XNDC1N: variants seen among roughly 807,000 people sequenced by gnomAD.
XNDC1N encodes protein XNDC1N.
the XNDC1N span, among the ~76,000 whole-genome samples, chr11:71,886,169 T>G: frequency 6.6e-6 from 1 of 151,802 alleles, no homozygotes; most frequent in East Asian, 1.9e-4. Flanking sequence ...TTCACCTGCG[T>G]CAATCTTCTC....
chr11:71,882,113 GA>G, the XNDC1N span, among the ~76,000 whole-genome samples: 9 of 151,182 alleles, frequency 6.0e-5, no homozygotes, highest in Non-Finnish European at 1.2e-4. Context: ...GCCAGGAGGG[GA>G]AAAAATCTTT....
chr11:71,888,407 G>T, the XNDC1N span, among the ~76,000 whole-genome samples: 5 of 152,166 alleles, frequency 3.3e-5, no homozygotes, highest in African/African-American at 4.8e-5. Context: ...GTCACCAAGG[G>T]GGCGGGGACC....
chr11:71,895,445 G>A, the XNDC1N span, among the ~76,000 whole-genome samples: 2 of 150,428 alleles, frequency 1.3e-5, no homozygotes, highest in East Asian at 3.9e-4. Context: ...AAGTAGCTGG[G>A]ATTACAGGCA....
At chr11:71,919,929 C>CTTCTTTTTTTTTTTTTTTTTTTTT in the XNDC1N span, among the ~76,000 whole-genome samples, 1 of 26,590 alleles carries the variant, frequency 3.8e-5, no homozygotes, top group Admixed American at 5.4e-4. Flanking sequence ...AAGCAGGCCT[C>CTTCTTTTTTTTTTTTTTTTTTTTT]TTTTTTTTTT....
the XNDC1N span, among the ~76,000 whole-genome samples, chr11:71,923,903 C>CA: frequency 2.6e-5 from 4 of 152,158 alleles, no homozygotes; most frequent in African/African-American, 9.6e-5. Context: ...GGAGTGGTGG[C>CA]AGGGAGTAGG....
the XNDC1N span, among the ~76,000 whole-genome samples, chr11:71,875,679 T>C: frequency 6.6e-6 from 1 of 151,992 alleles, no homozygotes; most frequent in East Asian, 1.9e-4. Context: ...GTTTTTAACA[T>C]GGCAGGAACT....
the XNDC1N span, among the ~76,000 whole-genome samples, chr11:71,888,932 G>C: frequency 2.6e-5 from 4 of 152,180 alleles, no homozygotes; most frequent in East Asian, 1.9e-4. Flanking sequence ...GGACTCAATT[G>C]ACTCTAGCAG....
At chr11:71,872,727 C>CA in the XNDC1N span, among the ~76,000 whole-genome samples, 4 of 151,400 alleles carry the variant, frequency 2.6e-5, no homozygotes, top group East Asian at 1.9e-4. Context: ...GACTCCGTCT[C>CA]AAAAAAACAA....
the XNDC1N span, among the ~76,000 whole-genome samples, chr11:71,868,929 T>C: frequency 1.3e-5 from 2 of 152,202 alleles, no homozygotes; most frequent in Non-Finnish European, 2.9e-5. Context: ...GTCATATATC[T>C]GGTCGCTTTA....
the XNDC1N span, among the ~76,000 whole-genome samples, chr11:71,919,544 T>C: frequency 6.6e-6 from 1 of 151,582 alleles, no homozygotes. Context: ...CCCACCACCA[T>C]GCCCAGCTAA....
chr11:71,875,312 C>T, the XNDC1N span, among the ~76,000 whole-genome samples: 1 of 151,914 alleles, frequency 6.6e-6, no homozygotes, highest in East Asian at 1.9e-4. Context: ...AGTAAATAAA[C>T]TAAAATAGTA....
the XNDC1N span, chr11:71,903,807 T>C: frequency 5.6e-6 from 2 of 354,574 alleles, no homozygotes; most frequent in South Asian, 4.4e-5. Context: ...CCTGCTGCCG[T>C]ATTTGGTTTT....
At chr11:71,886,231 G>A in the XNDC1N span, among the ~76,000 whole-genome samples, 13 of 152,178 alleles carry the variant, frequency 8.5e-5, no homozygotes, top group East Asian at 2.5e-3. Context: ...AGCCCTAATT[G>A]ATTTGCTCCA....
the XNDC1N span, among the ~76,000 whole-genome samples, chr11:71,879,329 A>G: frequency 6.6e-6 from 1 of 152,202 alleles, no homozygotes; most frequent in Non-Finnish European, 1.5e-5. Flanking sequence ...CCACAAAACT[A>G]GCCAATTATA....
the XNDC1N span, among the ~76,000 whole-genome samples, chr11:71,884,861 G>C: frequency 6.7e-6 from 1 of 149,346 alleles, no homozygotes; most frequent in Non-Finnish European, 1.5e-5. Flanking sequence ...CTATCGCAGG[G>C]GGGTGAGGCA....
chr11:71,895,047 A>G, the XNDC1N span, among the ~76,000 whole-genome samples: 1 of 152,136 alleles, frequency 6.6e-6, no homozygotes, highest in Non-Finnish European at 1.5e-5. Flanking sequence ...CTGGGGAGTT[A>G]AAAATGATGA....
the XNDC1N span, among the ~76,000 whole-genome samples, chr11:71,905,231 C>T: frequency 6.6e-6 from 1 of 151,700 alleles, no homozygotes; most frequent in African/African-American, 2.4e-5. Context: ...GGGTGTACAC[C>T]CCATGTGACA....
At chr11:71,887,794 T>C in the XNDC1N span, among the ~76,000 whole-genome samples, 1 of 152,314 alleles carries the variant, frequency 6.6e-6, no homozygotes, top group African/African-American at 2.4e-5. Context: ...TGACTTTCCA[T>C]CCAACAGTAC....
chr11:71,889,393 G>C, the XNDC1N span, among the ~76,000 whole-genome samples: 36 of 152,342 alleles, frequency 2.4e-4, no homozygotes, highest in South Asian at 3.3e-3. Flanking sequence ...TCAGAGGCTC[G>C]AAAAGCAGCA....
Sources: gnomAD v4.1 joint callset for allele counts (sites outside exome capture counted in the v4.1 genomes callset) on GRCh38, gnomAD v4.1.1 for gene constraint, MANE v1.5 for transcripts, NCBI Gene and HGNC (gene_info 2026-07-23, HGNC 2026-07-21) for gene names.